Variants in THRB observed in about 807,000 individuals in gnomAD.
THRB encodes the protein thyroid hormone receptor beta.
In THRB, 12 loss-of-function variants were observed where a neutral mutation model predicts 47.8. The observed-to-expected ratio is 0.25, with a 90% CI of 0.16 to 0.41. The LOEUF (loss-of-function observed/expected upper bound fraction) is 0.41. THRB is among the 10% of genes least tolerant of loss of function. The pLI is 1.00. For missense variants in THRB, 348 were observed against 589.2 expected, an observed-to-expected ratio of 0.59 and a Z score of 4.24; for synonymous variants, 218 against 212.2, an observed-to-expected ratio of 1.03 and a Z score of -0.24.
At chr3:24,362,169 AC>A (rs2064122373) in intron 1 of THRB, among the ~76,000 whole-genome samples, 1 of 151,154 alleles carries the variant, frequency 6.6e-6, no homozygotes, top group Admixed American at 6.6e-5. Context: ...CCTCCTCAAA[AC>A]CCTTCAGTGG....
intron 4 of THRB, among the ~76,000 whole-genome samples, chr3:24,219,566 G>C (rs1176224439): frequency 6.6e-6 from 1 of 152,168 alleles, no homozygotes; most frequent in Non-Finnish European, 1.5e-5. Context: ...AGTAACAACA[G>C]ACACCTACAC....
chr3:24,341,223 G>T (rs1381077263), intron 1 of THRB, among the ~76,000 whole-genome samples: 1 of 90,386 alleles, frequency 1.1e-5, no homozygotes, highest in African/African-American at 4.9e-5. Flanking sequence ...CAATTAACAT[G>T]AGATTACCTT....
chr3:24,494,211 C>T (rs1698659702), intron 1 of THRB: 1 of 152,346 alleles, frequency 6.6e-6, no homozygotes, highest in Non-Finnish European at 1.5e-5. Flanking sequence ...ACCCTCCCCC[C>T]TGGCCTGCCA....
At chr3:24,173,212 A>G (rs892731030) in intron 5 of THRB, among the ~76,000 whole-genome samples, 1 of 152,188 alleles carries the variant, frequency 6.6e-6, no homozygotes, top group African/African-American at 2.4e-5. Context: ...CTGTCTTAGT[A>G]AAGGCTGAAG....
intron 3 of THRB, among the ~76,000 whole-genome samples, chr3:24,251,898 C>G (rs1559737898): frequency 6.6e-6 from 1 of 151,702 alleles, no homozygotes; most frequent in African/African-American, 2.4e-5. Context: ...TTAATTGAGA[C>G]AAAAAATCTT....
intron 2 of THRB, among the ~76,000 whole-genome samples, chr3:24,299,988 A>C (rs1211088775): frequency 6.6e-6 from 1 of 151,790 alleles, no homozygotes; most frequent in Non-Finnish European, 1.5e-5. Context: ...AATGGCATAA[A>C]ATTTTTCTCA....
intron 1 of THRB, among the ~76,000 whole-genome samples, chr3:24,433,098 C>A (rs967826): frequency 6.6e-6 from 1 of 152,002 alleles, no homozygotes; most frequent in Non-Finnish European, 1.5e-5. Flanking sequence ...CAATAACTAC[C>A]TAACTCTGTG....
intron 3 of THRB, among the ~76,000 whole-genome samples, chr3:24,246,871 G>T (rs2050159624): frequency 6.6e-6 from 1 of 152,126 alleles, no homozygotes; most frequent in Admixed American, 6.5e-5. Context: ...GTGGATCTTG[G>T]TCATCAATTT....
chr3:24,185,880 G>C (rs963880570), intron 5 of THRB, among the ~76,000 whole-genome samples: 2 of 152,260 alleles, frequency 1.3e-5, no homozygotes, highest in South Asian at 2.1e-4. Context: ...CTTCAGGGGA[G>C]GATCAGGGCC....
At chr3:24,132,719 C>G (rs554456467) in intron 9 of THRB, among the ~76,000 whole-genome samples, 16 of 152,294 alleles carry the variant, frequency 1.1e-4, no homozygotes, top group African/African-American at 3.9e-4. Flanking sequence ...ATGGGACAAG[C>G]AAGAGTGAGC....
chr3:24,184,564 T>TCC (rs2042325928), intron 5 of THRB, among the ~76,000 whole-genome samples: 1 of 152,172 alleles, frequency 6.6e-6, no homozygotes. Context: ...GTAGCTTTTC[T>TCC]CCCCCTTGGC....
intron 8 of THRB, among the ~76,000 whole-genome samples, chr3:24,135,847 A>ATATATATATATATT (rs371175625): frequency 4.3e-4 from 56 of 130,968 alleles, no homozygotes; most frequent in African/African-American, 1.6e-3. Context: ...ATATATATAT[A>ATATATATATATATT]ATACATAAAT....
At chr3:24,173,439 T>G (rs1269428333) in intron 5 of THRB, among the ~76,000 whole-genome samples, 1 of 152,162 alleles carries the variant, frequency 6.6e-6, no homozygotes, top group Non-Finnish European at 1.5e-5. Context: ...GCCTCTACTT[T>G]GAGTTTTGGT....
chr3:24,265,268 T>C (rs990277092), intron 3 of THRB, among the ~76,000 whole-genome samples: 2 of 152,108 alleles, frequency 1.3e-5, no homozygotes, highest in African/African-American at 4.8e-5. Flanking sequence ...TTTCTGATCC[T>C]GGAGTTTGTT....
chr3:24,301,418 C>A (rs1359180956), intron 2 of THRB, among the ~76,000 whole-genome samples: 1 of 152,176 alleles, frequency 6.6e-6, no homozygotes, highest in Admixed American at 6.5e-5. Context: ...ATCTTTTCCC[C>A]ATTTTCCCTA....
In THRB at chr3:24,148,771, G is replaced by A. The variant is rs184861867; in HGVS notation, c.385-1949C>T. Among the ~76,000 whole-genome samples the A allele has an allele frequency of 3.4e-3, 524 of 152,286 alleles. 2 individuals carry two copies. Among genetic ancestry groups the A allele is most frequent in the African/African-American group, 0.012 (498 of 41,548 alleles). The stretch of plus-strand genomic sequence containing the variant: ...GCTCTTTCTTATTATGAAAATGCCC[G>A]AGGTAGGATTTTATATTGGGCAAAG... On this transcript the variant is annotated intron_variant, in intron 6 of 10. Transcript: ENST00000646209.
chr3:24,477,825 A>C (rs1275181617), intron 1 of THRB, among the ~76,000 whole-genome samples: 1 of 150,386 alleles, frequency 6.6e-6, no homozygotes, highest in Non-Finnish European at 1.5e-5. Flanking sequence ...CATAACCTAC[A>C]CCCGCCCAAA....
intron 1 of THRB, among the ~76,000 whole-genome samples, chr3:24,339,831 A>G (rs2062511513): frequency 6.6e-6 from 1 of 152,250 alleles, no homozygotes; most frequent in Non-Finnish European, 1.5e-5. Context: ...TTTTGTTTAC[A>G]CAAGACTCAA....
intron 2 of THRB, among the ~76,000 whole-genome samples, chr3:24,305,448 G>A (rs10212405): frequency 0.025 from 3,780 of 152,282 alleles, 161 homozygotes; most frequent in African/African-American, 0.086. Flanking sequence ...GAAGTTGCAT[G>A]TGTAGGGTAA....
Sources: gnomAD v4.1 joint callset for allele counts (sites outside exome capture counted in the v4.1 genomes callset) on GRCh38, gnomAD v4.1.1 for gene constraint, MANE v1.5 for transcripts, NCBI Gene and HGNC (gene_info 2026-07-23, HGNC 2026-07-21) for gene names.